TAFA2: variants seen among roughly 807,000 people sequenced by gnomAD.
The protein encoded by TAFA2 is chemokine-like protein TAFA-2.
In TAFA2, 7 loss-of-function variants were observed where a neutral mutation model predicts 18.8. That is an observed-to-expected ratio of 0.37 (90% confidence interval 0.21 to 0.70). The LOEUF (loss-of-function observed/expected upper bound fraction) is 0.70. Ranked by LOEUF, TAFA2 falls within the 30% of genes least tolerant of loss-of-function variation. TAFA2 has a pLI of 0.53. For synonymous variants in TAFA2, 60 were observed against 54.2 expected (o/e 1.11, Z -0.47); for missense variants, 122 against 158.1 (o/e 0.77, Z 1.23).
chr12:62,239,422 A>G (rs2062851736), intron 1 of TAFA2, among the ~76,000 whole-genome samples: 1 of 152,114 alleles, frequency 6.6e-6, no homozygotes, highest in South Asian at 2.1e-4. Context: ...CTTTTACACA[A>G]AACATTATAA....
intron 1 of TAFA2, among the ~76,000 whole-genome samples, chr12:61,971,477 TAAAGTA>T (rs1250032597): frequency 1.3e-5 from 2 of 150,568 alleles, no homozygotes; most frequent in Non-Finnish European, 3.0e-5. Context: ...CCCTAAAACT[TAAAGTA>T]TAATAAAAAA....
rs537477196 is a variant in TAFA2 at position 61,724,914 on chromosome 12, G to T, written c.385-14497C>A. On this transcript the variant is annotated intron_variant, in intron 4 of 4. Coordinates refer to ENST00000416284, the MANE Select transcript of TAFA2 (RefSeq NM_178539.5). ...CTCCACACTGTTTTGCATAGTGGTT[G>T]TACTAGTTTACATTCCCCCCAGCAG... Among the ~76,000 whole-genome samples, 6 of 146,140 alleles carry T rather than the reference G, an allele frequency of 4.1e-5. No homozygotes were observed. The South Asian group carries it at 1.3e-3, about 32-fold the overall frequency.
At chr12:62,050,849 G>C (rs1882033919) in intron 1 of TAFA2, among the ~76,000 whole-genome samples, 1 of 152,112 alleles carries the variant, frequency 6.6e-6, no homozygotes, top group African/African-American at 2.4e-5. Context: ...ATAGGAACTG[G>C]CAAACACTAT....
At chr12:61,921,411 A>C (rs923659151) in intron 1 of TAFA2, among the ~76,000 whole-genome samples, 2 of 152,196 alleles carry the variant, frequency 1.3e-5, no homozygotes, top group Non-Finnish European at 2.9e-5. Flanking sequence ...TCTGTTTTTA[A>C]GAAATAGAAG....
chr12:62,177,830 G>C (rs570630180), intron 1 of TAFA2, among the ~76,000 whole-genome samples: 1 of 151,866 alleles, frequency 6.6e-6, no homozygotes, highest in Non-Finnish European at 1.5e-5. Context: ...CCTCTCAACT[G>C]TTCCTTCTTT....
At chr12:62,174,017 C>T (rs1356538959) in intron 1 of TAFA2, among the ~76,000 whole-genome samples, 2 of 152,128 alleles carry the variant, frequency 1.3e-5, no homozygotes, top group Non-Finnish European at 2.9e-5. Flanking sequence ...GTTGGCCAGG[C>T]GTGGTGGTTC....
chr12:61,905,518 T>C (rs767262419), intron 1 of TAFA2, among the ~76,000 whole-genome samples: 14 of 152,160 alleles, frequency 9.2e-5, no homozygotes, highest in Non-Finnish European at 1.5e-4. Context: ...GCATTGAGGA[T>C]TAGGTTTAAT....
chr12:61,756,907 G>A (rs1565623160), intron 2 of TAFA2, among the ~76,000 whole-genome samples: 1 of 152,006 alleles, frequency 6.6e-6, no homozygotes, highest in African/African-American at 2.4e-5. Flanking sequence ...GGGGAAGTGT[G>A]GTATATCCCC....
chr12:62,211,927 T>A (rs908089889), intron 1 of TAFA2, among the ~76,000 whole-genome samples: 1 of 152,204 alleles, frequency 6.6e-6, no homozygotes, highest in Non-Finnish European at 1.5e-5. Context: ...TTAATGCAAG[T>A]CAGTAAAAAG....
At chr12:61,857,489 G>C (rs1334511218) in intron 2 of TAFA2, among the ~76,000 whole-genome samples, 1 of 152,070 alleles carries the variant, frequency 6.6e-6, no homozygotes, top group African/African-American at 2.4e-5. Context: ...ATATTCTTGT[G>C]GCAAATATTT....
At chr12:62,181,883 G>T (rs2062553788) in intron 1 of TAFA2, among the ~76,000 whole-genome samples, 2 of 152,022 alleles carry the variant, frequency 1.3e-5, no homozygotes, top group Non-Finnish European at 2.9e-5. Flanking sequence ...CTTATGGAAA[G>T]TTATTTAAGA....
chr12:61,867,307 CA>C lies in TAFA2; in HGVS notation c.106+12del. The C allele has an allele frequency of 7.3e-7, 1 of 1,363,814 alleles. No homozygotes were observed. Among genetic ancestry groups the C allele is most frequent in the Non-Finnish European group, 1.0e-6 (1 of 983,670 alleles). The allele number at this position is 1,363,814 out of a possible 1,614,324, so 84.5% of individuals were successfully genotyped here. On this transcript the variant is annotated intron_variant, in intron 2 of 4. Transcript: ENST00000416284. ...ATCCACATTTAGTTGAAAAAAAAAA[CA>C]GAAAAGCTTACCTTTATGATGGTTT... is the stretch of plus-strand genomic sequence containing the variant.
chr12:61,872,556 C>A (rs1874658928), intron 1 of TAFA2, among the ~76,000 whole-genome samples: 1 of 152,056 alleles, frequency 6.6e-6, no homozygotes, highest in Admixed American at 6.5e-5. Flanking sequence ...CCGGAATTTA[C>A]CTATTCATTG....
intron 1 of TAFA2, among the ~76,000 whole-genome samples, chr12:61,878,765 T>C (rs1874978311): frequency 6.6e-6 from 1 of 152,198 alleles, no homozygotes; most frequent in Non-Finnish European, 1.5e-5. Flanking sequence ...ATGTAAGTCT[T>C]GTATCTGTAA....
rs144576089 is a variant in TAFA2, at chr12:61,872,010, C to T, written c.-1-4584G>A. ...GGGAGGCTGAGGCAGGAGAATGGCACGAACCCGGGAGGTAGAGCTTGCAGT... is the reference window on the plus strand; with the variant it reads ...GGGAGGCTGAGGCAGGAGAATGGCATGAACCCGGGAGGTAGAGCTTGCAGT... On this transcript the variant is annotated intron_variant, in intron 1 of 4. Transcript: ENST00000416284. Among the ~76,000 whole-genome samples, 1,462 of 152,100 alleles carry T rather than the reference C, an allele frequency of 9.6e-3. 12 individuals are homozygous for T. Among genetic ancestry groups the T allele is most frequent in the Non-Finnish European group, 0.014 (957 of 67,988 alleles).
At chr12:62,084,414 C>T (rs1868375044) in intron 1 of TAFA2, among the ~76,000 whole-genome samples, 1 of 152,102 alleles carries the variant, frequency 6.6e-6, no homozygotes, top group Non-Finnish European at 1.5e-5. Flanking sequence ...CAGAGCAATG[C>T]AAAGTCATTT....
At chr12:62,119,875 A>G (rs1870118539) in intron 1 of TAFA2, among the ~76,000 whole-genome samples, 1 of 152,054 alleles carries the variant, frequency 6.6e-6, no homozygotes, top group Admixed American at 6.6e-5. Context: ...GGAGTTTGAG[A>G]CCAGCCTGAC....
intron 1 of TAFA2, among the ~76,000 whole-genome samples, chr12:61,909,896 C>T (rs1876526696): frequency 6.6e-6 from 1 of 152,118 alleles, no homozygotes; most frequent in Admixed American, 6.6e-5. Context: ...GAACAAATAC[C>T]ATACTGCCTT....
chr12:62,164,280 A>G (rs1415837748), intron 1 of TAFA2, among the ~76,000 whole-genome samples: 1 of 152,142 alleles, frequency 6.6e-6, no homozygotes, highest in African/African-American at 2.4e-5. Context: ...CTCTCTCTTG[A>G]ACATGAGAAC....
Sources: gnomAD v4.1 joint callset for allele counts (sites outside exome capture counted in the v4.1 genomes callset) on GRCh38, gnomAD v4.1.1 for gene constraint, MANE v1.5 for transcripts, NCBI Gene and HGNC (gene_info 2026-07-23, HGNC 2026-07-21) for gene names.